The following GNA14 variants were observed in gnomAD, a reference collection of about 807,000 sequenced individuals.
The protein encoded by GNA14 is G protein subunit alpha 14, also known as guanine nucleotide-binding protein subunit alpha-14.
In GNA14, 50 loss-of-function variants were observed where a neutral mutation model predicts 42.0. The ratio of observed to expected loss-of-function variants is 1.19; its 90% confidence interval spans 0.95 to 1.51. GNA14 has a LOEUF of 1.51. GNA14 is among the 40% of genes most tolerant of loss of function. GNA14 has a pLI of 0.00. For synonymous variants in GNA14, 173 were observed against 163.1 expected (o/e 1.06, Z -0.46); for missense variants, 473 against 446.2 (o/e 1.06, Z -0.54).
At chr9:77,569,182 A>G (rs903681882) in intron 1 of GNA14, among the ~76,000 whole-genome samples, 1 of 151,944 alleles carries the variant, frequency 6.6e-6, no homozygotes, top group Non-Finnish European at 1.5e-5. Context: ...GGTTGGGAAA[A>G]AAAGGTTCCC....
intron 2 of GNA14, among the ~76,000 whole-genome samples, chr9:77,524,723 G>GA (rs886560630): frequency 1.1e-4 from 16 of 152,052 alleles, no homozygotes; most frequent in Non-Finnish European, 2.2e-4. Context: ...CTAGCTCTGA[G>GA]AAAAAATTAT....
intron 1 of GNA14, among the ~76,000 whole-genome samples, chr9:77,638,914 AT>A (rs1206120780): frequency 6.6e-6 from 1 of 152,152 alleles, no homozygotes; most frequent in Non-Finnish European, 1.5e-5. Flanking sequence ...CATGTGTGAA[AT>A]TTTCATAGCC....
chr9:77,538,523 A>C (rs1404658667), intron 1 of GNA14, among the ~76,000 whole-genome samples: 1 of 152,154 alleles, frequency 6.6e-6, no homozygotes, highest in African/African-American at 2.4e-5. Flanking sequence ...ACTTTTGGAA[A>C]TATGGTCATT....
intron 2 of GNA14, among the ~76,000 whole-genome samples, chr9:77,483,603 C>G (rs557580795): frequency 6.6e-6 from 1 of 152,176 alleles, no homozygotes; most frequent in Non-Finnish European, 1.5e-5. Flanking sequence ...AAAGCTGTCA[C>G]ACAGGGACAT....
At chr9:77,499,389 C>CAA (rs10716926) in intron 2 of GNA14, among the ~76,000 whole-genome samples, 196 of 139,424 alleles carry the variant, frequency 1.4e-3, no homozygotes, top group African/African-American at 4.0e-3. Flanking sequence ...CAAATTGCTT[C>CAA]AAAAAAAAAA....
intron 1 of GNA14, among the ~76,000 whole-genome samples, chr9:77,562,660 C>T (rs574401284): frequency 6.6e-6 from 1 of 152,244 alleles, no homozygotes; most frequent in South Asian, 2.1e-4. Context: ...GGAAAATTTA[C>T]AACAAAAAAA....
intron 1 of GNA14, among the ~76,000 whole-genome samples, chr9:77,614,360 G>C (rs972716350): frequency 6.6e-6 from 1 of 152,058 alleles, no homozygotes; most frequent in Non-Finnish European, 1.5e-5. Flanking sequence ...GTCACACAGG[G>C]TCAGCCTAAC....
intron 2 of GNA14, among the ~76,000 whole-genome samples, chr9:77,442,468 T>C (rs1025654290): frequency 1.3e-5 from 2 of 152,216 alleles, no homozygotes; most frequent in African/African-American, 2.4e-5. Context: ...AGCCCTGCAA[T>C]GGGATGTTTT....
At chr9:77,572,806 A>C (rs766305422) in intron 1 of GNA14, among the ~76,000 whole-genome samples, 3 of 152,196 alleles carry the variant, frequency 2.0e-5, no homozygotes, top group Non-Finnish European at 2.9e-5. Flanking sequence ...GCCAGATCCA[A>C]TTAGGATGCT....
chr9:77,481,052 G>T (rs1433558075), intron 2 of GNA14, among the ~76,000 whole-genome samples: 1 of 151,770 alleles, frequency 6.6e-6, no homozygotes, highest in East Asian at 1.9e-4. Flanking sequence ...ATTTCCTTCA[G>T]TTCTGCTCTG....
At chr9:77,619,121 C>G (rs1216946564) in intron 1 of GNA14, among the ~76,000 whole-genome samples, 1 of 152,096 alleles carries the variant, frequency 6.6e-6, no homozygotes, top group Non-Finnish European at 1.5e-5. Context: ...CAAAGTTCCA[C>G]TGAACTGTAA....
chr9:77,516,676 A>C (rs981755313), intron 2 of GNA14, among the ~76,000 whole-genome samples: 2 of 149,128 alleles, frequency 1.3e-5, no homozygotes, highest in Non-Finnish European at 3.0e-5. Context: ...CAGTAAGCTG[A>C]GATGGCACCA....
chr9:77,529,177 G>A lies in GNA14; in HGVS notation c.201C>T (p.Asp67=). 1.9e-6 allele frequency: 3 copies of A among 1,613,984 alleles called. No individual in the cohort carries two copies. The highest frequency in any genetic ancestry group is 1.1e-5 in the South Asian group (1 of 91,070). The change falls in exon 2 of 7, where the codon GAC becomes GAT. Residue 67 remains aspartate (D), a synonymous_variant. Transcript: ENST00000341700. ...IIHGSGYSDE[D]RKGFTKLVYQ... Reference sequence around the variant, plus strand: ...AAACCAGCTTCGTGAACCCCTTTCTGTCTTCGTCGCTGTAACCAGACCCAT... The same window carrying A: ...AAACCAGCTTCGTGAACCCCTTTCTATCTTCGTCGCTGTAACCAGACCCAT...
chr9:77,642,614 T>A (rs1824285799), intron 1 of GNA14, among the ~76,000 whole-genome samples: 1 of 151,714 alleles, frequency 6.6e-6, no homozygotes, highest in Admixed American at 6.6e-5. Context: ...AAAAAATATA[T>A]GAAAATTAGC....
At chr9:77,571,432 CA>C in intron 1 of GNA14, among the ~76,000 whole-genome samples, 1 of 152,156 alleles carries the variant, frequency 6.6e-6, no homozygotes, top group Non-Finnish European at 1.5e-5. Context: ...AAGACTATGT[CA>C]TCCAATATGG....
At chr9:77,510,093 C>T (rs1445280546) in intron 2 of GNA14, among the ~76,000 whole-genome samples, 3 of 152,296 alleles carry the variant, frequency 2.0e-5, no homozygotes, top group Middle Eastern at 6.8e-3. Flanking sequence ...TCAGAAGAAA[C>T]CATATATCCA....
chr9:77,461,736 G>A (rs577522121), intron 2 of GNA14, among the ~76,000 whole-genome samples: 9 of 141,324 alleles, frequency 6.4e-5, no homozygotes, highest in Non-Finnish European at 9.1e-5. Context: ...ATCAGCATGC[G>A]TTTACTGTTA....
chr9:77,485,593 C>G (rs1836645007), intron 2 of GNA14, among the ~76,000 whole-genome samples: 1 of 152,098 alleles, frequency 6.6e-6, no homozygotes, highest in African/African-American at 2.4e-5. Flanking sequence ...AAGTCACTAT[C>G]TATGACAGCT....
chr9:77,437,928 C>G (rs1029339868), intron 2 of GNA14, among the ~76,000 whole-genome samples: 2 of 152,202 alleles, frequency 1.3e-5, no homozygotes, highest in African/African-American at 4.8e-5. Flanking sequence ...CTGACTGATA[C>G]ACGTTGCCAT....
Sources: gnomAD v4.1 joint callset for allele counts (sites outside exome capture counted in the v4.1 genomes callset) on GRCh38, gnomAD v4.1.1 for gene constraint, MANE v1.5 for transcripts, NCBI Gene and HGNC (gene_info 2026-07-23, HGNC 2026-07-21) for gene names.